The following DPP6 variants were observed in gnomAD, a reference collection of about 807,000 sequenced individuals.
DPP6 encodes the protein A-type potassium channel modulatory protein DPP6.
Under a neutral mutation model 122.6 loss-of-function variants are expected in DPP6, and 69 were observed. The observed-to-expected ratio is 0.56, with a 90% confidence interval of 0.46 to 0.69. DPP6 has a LOEUF of 0.69. Among genes scored for constraint, DPP6 ranks in the 30% least tolerant of loss-of-function variants. The probability of loss-of-function intolerance (pLI) is 0.00; values close to 1 mark genes in which losing one functional copy is unlikely to be tolerated. For missense variants in DPP6, 928 were observed against 1,116.9 expected (o/e 0.83, Z 2.41); for synonymous variants, 418 against 433.1 (o/e 0.97, Z 0.43).
At position 154,789,621 on chromosome 7, in the gene DPP6, G is replaced by A. The variant is rs76198928; in HGVS notation, c.1137-4458G>A. Among the ~76,000 whole-genome samples, 1,513 of 152,294 alleles carry A rather than the reference G, an allele frequency of 9.9e-3. 9 individuals carry two copies. The highest frequency in any genetic ancestry group is 0.021 in the South Asian group (102 of 4,828). ...AGTTAGTAAAGGTCTCCCTCTGCCG[G>A]CCAGGCACCACTGCTTGCTGGAGAC... On this transcript the variant is annotated intron_variant, in intron 10 of 25. Transcript: ENST00000377770.
intron 1 of DPP6, among the ~76,000 whole-genome samples, chr7:154,186,509 G>A (rs149761336): frequency 4.6e-5 from 7 of 152,344 alleles, no homozygotes; most frequent in East Asian, 3.9e-4. Flanking sequence ...GGCCCCAGGG[G>A]CCCCTTGGCA....
In DPP6 at chr7:154,052,913, G is replaced by A. The variant is rs1292516430; in HGVS notation, c.93G>A (p.Gln31=). The A allele has an allele frequency of 8.6e-6, 13 of 1,504,580 alleles. No homozygotes were observed. The highest frequency in any genetic ancestry group is 5.7e-5 in the African/African-American group (4 of 70,384). The allele number at this position is 1,504,580 out of a possible 1,614,324, so 93.2% of individuals were successfully genotyped here. ...AGGCGAGTCACCTCCTGGGCGGCCA[G>A]GGGCCCGAGGAGGACGGCGGCGCAG... ...PPEASHLLGG[Q]GPEEDGGAGA... The change falls in exon 1 of 26, where the codon CAG becomes CAA. Residue 31 remains glutamine, a synonymous_variant. Transcript: ENST00000377770. The surrounding 1 kb of genome is among the most constrained non-coding windows in gnomAD (Gnocchi z 4.8).
At chr7:154,616,235 G>T (rs897874257) in intron 5 of DPP6, among the ~76,000 whole-genome samples, 2 of 152,130 alleles carry the variant, frequency 1.3e-5, no homozygotes, top group African/African-American at 4.8e-5. Context: ...CCCAGGAGTG[G>T]TTCTGTCTGG....
At chr7:154,121,473 T>TTTGTTTTTA (rs1807462657) in intron 1 of DPP6, among the ~76,000 whole-genome samples, 1 of 152,246 alleles carries the variant, frequency 6.6e-6, no homozygotes, top group South Asian at 2.1e-4. Flanking sequence ...GTGTGGTATT[T>TTTGTTTTTA]TTGTTTTTAT....
chr7:154,041,755 T>C (rs1279987836), intron 1 of DPP6, among the ~76,000 whole-genome samples: 1 of 149,288 alleles, frequency 6.7e-6, no homozygotes, highest in Non-Finnish European at 1.5e-5. Flanking sequence ...TGTTTGTTTT[T>C]TTTGTTGTTT....
intron 7 of DPP6, among the ~76,000 whole-genome samples, chr7:154,679,517 G>A (rs1289468638): frequency 6.6e-6 from 1 of 152,140 alleles, no homozygotes; most frequent in Non-Finnish European, 1.5e-5. Flanking sequence ...CCTCCTACAA[G>A]TTACAGCCTG....
At position 154,833,898 on chromosome 7, in the gene DPP6, T is replaced by C. The variant is rs1800824949; in HGVS notation, c.1667-19882T>C. On this transcript the variant is annotated intron_variant, in intron 16 of 25. Transcript: ENST00000377770. This position sits in a 1 kb window ranked among gnomAD's most constrained non-coding sequence, Gnocchi z 4.3. ...GTGGTGGCCTTAGCAGAACTGGATA[T>C]GGAAGGCCTGGGCTAGGCCTGGATG... 6.6e-6 allele frequency among the ~76,000 whole-genome samples: 1 copy of C among 152,116 alleles called. No homozygotes were observed. Among genetic ancestry groups the C allele is most frequent in the African/African-American group, 2.4e-5 (1 of 41,410 alleles).
At chr7:154,214,411 C>T (rs1013134446) in intron 1 of DPP6, among the ~76,000 whole-genome samples, 2 of 152,142 alleles carry the variant, frequency 1.3e-5, no homozygotes, top group African/African-American at 4.8e-5. Context: ...AGCCTAGTGC[C>T]TGGCACATCA....
In DPP6 at chr7:154,430,141, C is replaced by T. The variant is rs118009911; in HGVS notation, c.244-16073C>T. Reference sequence around the variant, plus strand: ...CGCCTCCATTCCCCAGGCTCCTCGACGGCCTTAGATGCTTAAACACGCTGC... The same window carrying T: ...CGCCTCCATTCCCCAGGCTCCTCGATGGCCTTAGATGCTTAAACACGCTGC... On this transcript the variant is annotated intron_variant, in intron 1 of 25. Transcript: ENST00000377770. 1.8e-3 allele frequency among the ~76,000 whole-genome samples: 268 copies of T among 152,226 alleles called. 6 individuals are homozygous for T. In the East Asian group the frequency reaches 0.038, roughly 22 times the overall value.
intron 1 of DPP6, among the ~76,000 whole-genome samples, chr7:154,089,721 G>A (rs900773433): frequency 3.5e-5 from 5 of 141,402 alleles, no homozygotes; most frequent in African/African-American, 7.7e-5. Flanking sequence ...TGAAATCGAC[G>A]TGAAATGCAA....
At chr7:154,378,496 C>G (rs1037393638) in intron 1 of DPP6, among the ~76,000 whole-genome samples, 2 of 152,174 alleles carry the variant, frequency 1.3e-5, no homozygotes, top group Non-Finnish European at 2.9e-5. Flanking sequence ...ATGGGAAGTT[C>G]AAGATCAAGG....
intron 7 of DPP6, among the ~76,000 whole-genome samples, chr7:154,697,920 T>C (rs1840308270): frequency 6.6e-6 from 1 of 152,326 alleles, no homozygotes; most frequent in South Asian, 2.1e-4. Context: ...TTTATTATTT[T>C]ATCACCAATT....
intron 4 of DPP6, among the ~76,000 whole-genome samples, chr7:154,546,392 T>C (rs1300600385): frequency 1.3e-5 from 2 of 151,868 alleles, no homozygotes; most frequent in Non-Finnish European, 2.9e-5. Context: ...TTTGGTTTCA[T>C]CTTTCAAAAA....
At chr7:153,908,642 A>G (rs1415998643) in intron 1 of DPP6, among the ~76,000 whole-genome samples, 2 of 152,274 alleles carry the variant, frequency 1.3e-5, no homozygotes. Flanking sequence ...AAAACCTGCC[A>G]TCTTCAAGGA....
chr7:153,949,047 T>C (rs1321062828), intron 1 of DPP6, among the ~76,000 whole-genome samples: 1 of 152,184 alleles, frequency 6.6e-6, no homozygotes, highest in Non-Finnish European at 1.5e-5. Flanking sequence ...ACGACTGAAT[T>C]GCTCCAAAAT....
At chr7:153,957,483 C>T (rs773179040) in intron 1 of DPP6, among the ~76,000 whole-genome samples, 4 of 152,294 alleles carry the variant, frequency 2.6e-5, no homozygotes, top group South Asian at 4.1e-4. Context: ...GTCCACTTCC[C>T]GGCCACATAG....
At chr7:154,450,945 T>A (rs1820309081) in intron 2 of DPP6, among the ~76,000 whole-genome samples, 1 of 152,158 alleles carries the variant, frequency 6.6e-6, no homozygotes, top group Admixed American at 6.5e-5. Flanking sequence ...ATCTTGTGGT[T>A]GTCTGGCACT....
rs138696443 is a variant in DPP6 at position 154,651,594 on chromosome 7, A to G, written c.680+13721A>G. On this transcript the variant is annotated intron_variant, in intron 6 of 25. Coordinates refer to ENST00000377770, the MANE Select transcript of DPP6 (RefSeq NM_130797.4). ...AGTGCCGCGGGGCCCTAATTGTGTC[A>G]GGTATTTTGCCCAAATTAGCATGGC... Among the ~76,000 whole-genome samples, 381 of 152,266 alleles carry G rather than the reference A, an allele frequency of 2.5e-3. 2 individuals are homozygous for G. Among genetic ancestry groups the G allele is most frequent in the African/African-American group, 8.6e-3 (358 of 41,550 alleles).
intron 7 of DPP6, among the ~76,000 whole-genome samples, chr7:154,706,978 G>A (rs907984553): frequency 6.6e-6 from 1 of 152,210 alleles, no homozygotes; most frequent in African/African-American, 2.4e-5. Context: ...TTTCTGGTAG[G>A]AAGAGCAATT....
Sources: allele counts gnomAD v4.1 joint callset (sites outside exome capture counted in the v4.1 genomes callset), GRCh38; gene constraint gnomAD v4.1.1; non-coding constraint Gnocchi (gnomAD v3.1); transcripts MANE v1.5; gene names NCBI Gene and HGNC (gene_info 2026-07-23, HGNC 2026-07-21).